Variants in MDGA2 observed in about 807,000 individuals in gnomAD.
The protein encoded by MDGA2 is MAM domain-containing glycosylphosphatidylinositol anchor protein 2.
A neutral mutation model predicts 117.8 loss-of-function variants in MDGA2; 40 were observed. That is an observed-to-expected ratio of 0.34 (90% CI 0.26 to 0.44). The LOEUF is 0.44. MDGA2 is among the 20% of genes least tolerant of loss of function. The pLI, the probability that MDGA2 is intolerant of heterozygous loss-of-function variation, is 1.00. For synonymous variants in MDGA2, 452 were observed against 439.0 expected (o/e 1.03, Z -0.37); for missense variants, 1,123 against 1,250.6 (o/e 0.90, Z 1.54).
At chr14:47,518,050 T>G (rs996185420) in intron 1 of MDGA2, among the ~76,000 whole-genome samples, 45 of 152,194 alleles carry the variant, frequency 3.0e-4, no homozygotes, top group African/African-American at 8.9e-4. Context: ...AAAGAGATTT[T>G]TATATTGTAG....
At chr14:47,671,723 C>A (rs1594974945) in intron 1 of MDGA2, among the ~76,000 whole-genome samples, 1 of 152,144 alleles carries the variant, frequency 6.6e-6, no homozygotes, top group African/African-American at 2.4e-5. Flanking sequence ...TTTATAATAA[C>A]CCTGCCTTTT....
intron 1 of MDGA2, among the ~76,000 whole-genome samples, chr14:47,561,981 T>TCACAAA (rs1473455644): frequency 6.6e-6 from 1 of 152,244 alleles, no homozygotes; most frequent in African/African-American, 2.4e-5. Context: ...TCTATTAAGA[T>TCACAAA]GATCATGTGA....
chr14:47,376,804 A>C (rs1891489137), intron 1 of MDGA2, among the ~76,000 whole-genome samples: 1 of 152,174 alleles, frequency 6.6e-6, no homozygotes, highest in Admixed American at 6.5e-5. Context: ...CTGTAGAAAA[A>C]ATGCAGGAAA....
intron 9 of MDGA2, among the ~76,000 whole-genome samples, chr14:46,932,989 G>A (rs938253593): frequency 2.6e-5 from 4 of 151,906 alleles, no homozygotes; most frequent in Non-Finnish European, 5.9e-5. Flanking sequence ...TAAACATATG[G>A]ACATTAAAAT....
chr14:47,551,291 A>G (rs1196983932), intron 1 of MDGA2, among the ~76,000 whole-genome samples: 1 of 152,126 alleles, frequency 6.6e-6, no homozygotes, highest in African/African-American at 2.4e-5. Flanking sequence ...TTAACTTATT[A>G]GGGTGATTTC....
intron 1 of MDGA2, among the ~76,000 whole-genome samples, chr14:47,402,032 T>C (rs971990339): frequency 2.0e-5 from 3 of 152,200 alleles, no homozygotes; most frequent in Non-Finnish European, 4.4e-5. Context: ...CACAAGCGTG[T>C]AGTTTATTGG....
intron 14 of MDGA2, among the ~76,000 whole-genome samples, chr14:46,866,980 G>A (rs1244385434): frequency 2.0e-5 from 3 of 152,072 alleles, no homozygotes; most frequent in Non-Finnish European, 4.4e-5. Flanking sequence ...GGAAGTCAGT[G>A]TGGCGATTCC....
chr14:47,239,924 C>T (rs1305288184), intron 2 of MDGA2, among the ~76,000 whole-genome samples: 1 of 151,646 alleles, frequency 6.6e-6, no homozygotes, highest in African/African-American at 2.4e-5. Flanking sequence ...CTATATATTT[C>T]AGTCCTTGAA....
intron 1 of MDGA2, among the ~76,000 whole-genome samples, chr14:47,408,898 G>T (rs946277987): frequency 6.6e-6 from 1 of 152,114 alleles, no homozygotes; most frequent in African/African-American, 2.4e-5. Flanking sequence ...AGACATGATG[G>T]AGGTAAGAAT....
chr14:47,100,630 A>G (rs1880251793), intron 5 of MDGA2, among the ~76,000 whole-genome samples: 1 of 152,150 alleles, frequency 6.6e-6, no homozygotes, highest in Admixed American at 6.6e-5. Flanking sequence ...TCAAACATGA[A>G]AACTGAAATG....
intron 3 of MDGA2, among the ~76,000 whole-genome samples, chr14:47,192,346 T>C (rs1885145920): frequency 6.6e-6 from 1 of 151,966 alleles, no homozygotes; most frequent in Non-Finnish European, 1.5e-5. Flanking sequence ...CCGAACGAGG[T>C]GACTCATGCC....
rs559031154 is a variant in MDGA2 at position 47,558,256 on chromosome 14, A to G, written c.280+116261T>C. On this transcript the variant is annotated intron_variant, in intron 1 of 16. Coordinates refer to ENST00000399232, the MANE Select transcript of MDGA2 (RefSeq NM_001113498.3). Reference sequence around the variant, plus strand: ...TCAAACAGTATCCAATCCTGGTTTAAAATAACCTGTGATAGGGTTGGGCAG... The same window carrying G: ...TCAAACAGTATCCAATCCTGGTTTAGAATAACCTGTGATAGGGTTGGGCAG... Among the ~76,000 whole-genome samples, 35 of 152,330 alleles carry G rather than the reference A, an allele frequency of 2.3e-4. No individual in the cohort carries two copies. In the South Asian group the frequency reaches 6.8e-3, roughly 30 times the overall value.
At chr14:46,868,600 T>C (rs561254715) in intron 14 of MDGA2, among the ~76,000 whole-genome samples, 5 of 152,116 alleles carry the variant, frequency 3.3e-5, no homozygotes, top group South Asian at 2.1e-4. Flanking sequence ...CTGGAAGCTA[T>C]GGACTTTTTA....
intron 1 of MDGA2, among the ~76,000 whole-genome samples, chr14:47,663,073 A>G (rs1376660360): frequency 6.6e-6 from 1 of 152,220 alleles, no homozygotes; most frequent in East Asian, 1.9e-4. Context: ...AGTCACAATA[A>G]TGGCGTAGAG....
At chr14:47,257,290 T>C (rs1200889947) in intron 2 of MDGA2, among the ~76,000 whole-genome samples, 1 of 152,070 alleles carries the variant, frequency 6.6e-6, no homozygotes, top group Admixed American at 6.6e-5. Flanking sequence ...TCCTCGGTAA[T>C]ATTTGTGTGA....
At chr14:47,071,729 T>C (rs1890289334) in intron 6 of MDGA2, among the ~76,000 whole-genome samples, 1 of 152,178 alleles carries the variant, frequency 6.6e-6, no homozygotes, top group Non-Finnish European at 1.5e-5. Flanking sequence ...TCACAGTATC[T>C]GGGACGTAAA....
chr14:47,444,853 T>C (rs2138556364), intron 1 of MDGA2, among the ~76,000 whole-genome samples: 1 of 152,280 alleles, frequency 6.6e-6, no homozygotes, highest in South Asian at 2.1e-4. Context: ...ACCTTACTTT[T>C]CTCAAGTTTA....
At chr14:47,138,957 A>G in intron 4 of MDGA2, among the ~76,000 whole-genome samples, 1 of 152,066 alleles carries the variant, frequency 6.6e-6, no homozygotes, top group East Asian at 1.9e-4. Flanking sequence ...ATTGTCTATA[A>G]AAAGGTATAA....
At chr14:46,909,441 G>A (rs1883616946) in intron 10 of MDGA2, among the ~76,000 whole-genome samples, 1 of 152,076 alleles carries the variant, frequency 6.6e-6, no homozygotes, top group Admixed American at 6.6e-5. Flanking sequence ...AAGAAAGTGT[G>A]AGCAGAAGCA....
Sources: allele counts gnomAD v4.1 joint callset (sites outside exome capture counted in the v4.1 genomes callset), GRCh38; gene constraint gnomAD v4.1.1; transcripts MANE v1.5; gene names NCBI Gene and HGNC (gene_info 2026-07-23, HGNC 2026-07-21).